DTNA: variants seen among roughly 807,000 people sequenced by gnomAD.
DTNA encodes dystrobrevin alpha.
DTNA carries 43 observed loss-of-function variants against 100.7 expected under a neutral mutation model. The ratio of observed to expected loss-of-function variants is 0.43; its 90% CI spans 0.33 to 0.55. DTNA has a LOEUF of 0.55. Ranked by LOEUF, DTNA falls within the 20% of genes least tolerant of loss-of-function variation. The pLI is 0.04. For missense variants in DTNA, 798 were observed against 953.9 expected (o/e 0.84, Z 2.15); for synonymous variants, 349 against 347.9 (o/e 1.00, Z -0.04).
chr18:34,636,147 G>T (rs2148237440), intron 1 of DTNA, among the ~76,000 whole-genome samples: 1 of 152,224 alleles, frequency 6.6e-6, no homozygotes, highest in East Asian at 1.9e-4. Flanking sequence ...TGATATTTAA[G>T]AAAATTAATT....
intron 1 of DTNA, among the ~76,000 whole-genome samples, chr18:34,742,731 T>C (rs2090934511): frequency 6.7e-6 from 1 of 148,640 alleles, no homozygotes; most frequent in African/African-American, 2.6e-5. Flanking sequence ...AACAGGGTAA[T>C]ATAGTATGGC....
chr18:34,592,569 G>C (rs1437913486), intron 1 of DTNA, among the ~76,000 whole-genome samples: 1 of 151,650 alleles, frequency 6.6e-6, no homozygotes, highest in African/African-American at 2.4e-5. Flanking sequence ...TTTCAGTGGG[G>C]AGATAGAAGT....
intron 1 of DTNA, among the ~76,000 whole-genome samples, chr18:34,646,809 G>A (rs1486677630): frequency 2.6e-5 from 4 of 152,062 alleles, no homozygotes; most frequent in South Asian, 2.1e-4. Context: ...TCCGCCTCCC[G>A]GATTCAAGCA....
At chr18:34,801,341 T>C (rs1174971361) in intron 4 of DTNA, among the ~76,000 whole-genome samples, 4 of 152,124 alleles carry the variant, frequency 2.6e-5, no homozygotes, top group African/African-American at 4.8e-5. Context: ...GTAAAGTTTG[T>C]ATAGGCAAAA....
chr18:34,637,334 A>C (rs2058770942), intron 1 of DTNA, among the ~76,000 whole-genome samples: 1 of 152,170 alleles, frequency 6.6e-6, no homozygotes. Context: ...TTCTTATCAG[A>C]TCCTTCAGAA....
intron 1 of DTNA, among the ~76,000 whole-genome samples, chr18:34,605,128 A>AC (rs1229070868): frequency 2.3e-4 from 35 of 152,062 alleles, no homozygotes; most frequent in African/African-American, 8.4e-4. Flanking sequence ...AAAAAAAAAA[A>AC]ATCTGGGTAA....
chr18:34,616,159 G>C (rs141615855), intron 1 of DTNA, among the ~76,000 whole-genome samples: 2 of 152,152 alleles, frequency 1.3e-5, no homozygotes, highest in African/African-American at 4.8e-5. Flanking sequence ...CTGAGAAGTT[G>C]CCAAACTGTT....
intron 1 of DTNA, among the ~76,000 whole-genome samples, chr18:34,590,234 G>A (rs774573260): frequency 6.6e-5 from 10 of 152,096 alleles, no homozygotes; most frequent in Non-Finnish European, 1.5e-4. Context: ...TTCTAATGCA[G>A]TTTATGTAAA....
chr18:34,509,483 C>A (rs972143084), intron 1 of DTNA, among the ~76,000 whole-genome samples: 2 of 152,048 alleles, frequency 1.3e-5, no homozygotes, highest in Non-Finnish European at 2.9e-5. Context: ...CAGATAAATT[C>A]TGCCTCCTCC....
chr18:34,608,736 T>C (rs371347017), intron 1 of DTNA, among the ~76,000 whole-genome samples: 21 of 152,310 alleles, frequency 1.4e-4, no homozygotes. Context: ...AGTTTTCCCA[T>C]CAGAATGTCA....
chr18:34,642,929 C>A (rs1244636804), intron 1 of DTNA, among the ~76,000 whole-genome samples: 1 of 152,186 alleles, frequency 6.6e-6, no homozygotes, highest in Non-Finnish European at 1.5e-5. Flanking sequence ...GAAATTCAGA[C>A]CCTCCCAGAA....
chr18:34,534,220 A>C (rs998788111), intron 1 of DTNA, among the ~76,000 whole-genome samples: 1 of 151,898 alleles, frequency 6.6e-6, no homozygotes, highest in African/African-American at 2.4e-5. Flanking sequence ...ATGGTGGTGC[A>C]CTCCTGTAAT....
rs1207281687 is a variant in DTNA at position 34,863,042 on chromosome 18, A to G, written c.1647-924A>G. On this transcript the variant is annotated intron_variant, in intron 16 of 22. Coordinates refer to ENST00000444659, the MANE Select transcript of DTNA (RefSeq NM_001386795.1). ...TTCCATGCAGTTTTAGTATGTAAGT[A>G]TGAATATTTCAAACTCAAACAGAAA... Among the ~76,000 whole-genome samples, 5 of 152,234 alleles carry G rather than the reference A, an allele frequency of 3.3e-5. No individual in the cohort carries two copies. In the East Asian group the frequency reaches 9.6e-4, roughly 29 times the overall value.
At chr18:34,643,626 G>C (rs114166834) in intron 1 of DTNA, among the ~76,000 whole-genome samples, 1,732 of 152,256 alleles carry the variant, frequency 0.011, 31 homozygotes, top group African/African-American at 0.04. Context: ...CCAAGATCCA[G>C]TTTCCTTGTC....
At chr18:34,805,763 C>T (rs184015661) in intron 4 of DTNA, among the ~76,000 whole-genome samples, 1 of 149,368 alleles carries the variant, frequency 6.7e-6, no homozygotes, top group African/African-American at 2.5e-5. Flanking sequence ...TTACCCTAAC[C>T]TCAAATTCAG....
At chr18:34,656,397 C>A (rs1340291345) in intron 1 of DTNA, among the ~76,000 whole-genome samples, 2 of 152,162 alleles carry the variant, frequency 1.3e-5, no homozygotes, top group African/African-American at 4.8e-5. Flanking sequence ...TAGAAGGGTT[C>A]TTCTTACGGT....
At chr18:34,860,109 C>G (rs1048256226) in intron 16 of DTNA, among the ~76,000 whole-genome samples, 1 of 151,868 alleles carries the variant, frequency 6.6e-6, no homozygotes, top group Admixed American at 6.6e-5. Context: ...TGCAGTGGCA[C>G]GATCTCGGCT....
At chr18:34,886,060 C>T (rs1225740912) in intron 22 of DTNA, among the ~76,000 whole-genome samples, 4 of 152,204 alleles carry the variant, frequency 2.6e-5, no homozygotes, top group Non-Finnish European at 4.4e-5. Context: ...CTTTCCCAAT[C>T]ATGGAATCCC....
chr18:34,838,185 A>G lies in DTNA; in HGVS notation c.1253+14A>G, dbSNP rs2096194281. ...GAAGGGCAAAGGGTAAGTTACAGCCAGAGTGTACTGGAACCCTGCATTAAC... is the reference window on the plus strand; with the variant it reads ...GAAGGGCAAAGGGTAAGTTACAGCCGGAGTGTACTGGAACCCTGCATTAAC... On this transcript the variant is annotated intron_variant, in intron 12 of 22. Transcript: ENST00000444659. 6.2e-7 allele frequency: 1 copy of G among 1,613,506 alleles called. No individual in the cohort carries two copies. The highest frequency in any genetic ancestry group is 8.5e-7 in the Non-Finnish European group (1 of 1,179,680).
Sources: allele counts gnomAD v4.1 joint callset (sites outside exome capture counted in the v4.1 genomes callset), GRCh38; gene constraint gnomAD v4.1.1; transcripts MANE v1.5; gene names NCBI Gene and HGNC (gene_info 2026-07-23, HGNC 2026-07-21).